Variants in DNAH8 observed in about 807,000 individuals in gnomAD.
DNAH8 encodes dynein axonemal heavy chain 8.
A neutral mutation model predicts 562.1 loss-of-function variants in DNAH8; 382 were observed. That is an observed-to-expected ratio of 0.68 (90% CI 0.63 to 0.74). DNAH8 has a LOEUF of 0.74. Ranked by LOEUF, DNAH8 falls within the 30% of genes least tolerant of loss-of-function variation. The pLI is 0.00. For synonymous variants in DNAH8, 1,881 were observed against 1,919.4 expected (o/e 0.98, Z 0.52); for missense variants, 5,203 against 5,620.4 (o/e 0.93, Z 2.37).
intron 62 of DNAH8, among the ~76,000 whole-genome samples, chr6:38,905,004 C>G (rs554586253): frequency 1.9e-4 from 29 of 152,224 alleles, no homozygotes; most frequent in East Asian, 7.7e-4. Flanking sequence ...GTGACTGTCT[C>G]TATGTATTGC....
chr6:39,008,358 G>C (rs59339583), intron 88 of DNAH8, among the ~76,000 whole-genome samples: 16,560 of 151,840 alleles, frequency 0.11, 1,075 homozygotes, highest in Admixed American at 0.2. Flanking sequence ...AAGCAGAAAA[G>C]ACGAAAATAT....
intron 21 of DNAH8, among the ~76,000 whole-genome samples, chr6:38,794,777 TA>T (rs2127662616): frequency 6.6e-6 from 1 of 152,372 alleles, no homozygotes; most frequent in Non-Finnish European, 1.5e-5. Context: ...TATTACATAA[TA>T]CGGATTTAGT....
chr6:38,987,703 A>G (rs976234905), intron 87 of DNAH8, among the ~76,000 whole-genome samples: 1 of 152,008 alleles, frequency 6.6e-6, no homozygotes, highest in African/African-American at 2.4e-5. Context: ...CAGTGGCTTC[A>G]ATTCTCTGAC....
rs1763357489 is a variant in DNAH8 at position 38,971,593 on chromosome 6, A to T, written c.12453A>T (p.Glu4151Asp). 1 of 1,575,826 alleles carries T rather than the reference A, an allele frequency of 6.3e-7. No individual in the cohort carries two copies. Among genetic ancestry groups the T allele is most frequent in the African/African-American group, 1.4e-5 (1 of 73,592 alleles). The change falls in exon 83 of 93, where the codon GAA (glutamate) becomes GAT (aspartate). Residue 4151 changes from glutamate to aspartate, a missense_variant and splice_region_variant. Around this residue, in one of 6 missense-constraint regions of DNAH8, gnomAD observed 1,399 missense variants for 1,518.4 expected, o/e 0.92. Transcript: ENST00000327475. ...IDALAKKLKL[E>D]CRTISMGQGQ... ...AGTGAACTTTCTCCTATGTTACAGA[A>T]TGTAGAACTATCTCAATGGGGCAAG...
At chr6:38,867,183 C>G (rs1384551284) in intron 47 of DNAH8, among the ~76,000 whole-genome samples, 1 of 151,730 alleles carries the variant, frequency 6.6e-6, no homozygotes, top group Non-Finnish European at 1.5e-5. Context: ...CTGAAGCAGT[C>G]CACAGAGTTT....
At position 38,909,652 on chromosome 6, in the gene DNAH8, T is replaced by C. The variant is rs746712183; in HGVS notation, c.9648T>C (p.Ile3216=). 6.2e-7 allele frequency: 1 copy of C among 1,613,736 alleles called. No individual in the cohort carries two copies. The highest frequency in any genetic ancestry group is 8.5e-7 in the Non-Finnish European group (1 of 1,179,728). Residue 3216 remains isoleucine (I), a synonymous_variant, in exon 65 of 93, where the codon ATT becomes ATC. Transcript: ENST00000327475. ...CCTACTTCCTTTCAGACTATAATAT[T>C]GTCTGCTCTAGTGAAATTAAAAGAC... ...VASYFLSDYN[I]VCSSEIKRQV... is the part of the protein sequence containing the mutation.
Position 38,790,332 on chromosome 6 carries a change from C to T in DNAH8, c.2708C>T (p.Ser903Leu), listed in dbSNP as rs569365870. 185 of 1,607,660 alleles carry T rather than the reference C, an allele frequency of 1.2e-4. 4 individuals are homozygous for T. The South Asian group carries it at 1.7e-3, about 15-fold the overall frequency. The change falls in exon 20 of 93, where the codon TCG becomes TTG. Residue 903 changes from serine (S) to leucine (L), a missense_variant. Transcript: ENST00000327475. ...CAAGGACTCACAGTGTTAACATGGT[C>T]GTCTTTAACACTGGAAAGCTTCTTT... ...LRQGLTVLTW[S>L]SLTLESFFQE...
intron 33 of DNAH8, among the ~76,000 whole-genome samples, chr6:38,838,454 A>C (rs1432351881): frequency 6.6e-6 from 1 of 150,716 alleles, no homozygotes; most frequent in African/African-American, 2.4e-5. Context: ...GCTGGAGTGC[A>C]GTGGCGCAAT....
intron 29 of DNAH8, among the ~76,000 whole-genome samples, chr6:38,827,733 CTTTTTTTTTTTTTTTTTTTTTTTTTT>C (rs562852660): frequency 1.9e-5 from 1 of 52,240 alleles, no homozygotes; most frequent in Non-Finnish European, 3.7e-5. Context: ...CTTTACCAAA[CTTTTTTTTTTTTTTTTTTTTTTTTTT>C]TTTTTTTTTT....
intron 82 of DNAH8, chr6:38,953,048 C>T (rs1449576983): frequency 1.3e-5 from 2 of 152,198 alleles, no homozygotes; most frequent in African/African-American, 4.8e-5. Flanking sequence ...TAACACTTAC[C>T]ATTCTTCTCC....
intron 24 of DNAH8, 80 bp from the exon 25 acceptor site, chr6:38,813,974 G>A (rs572487022): frequency 7.0e-6 from 7 of 1,000,884 alleles, no homozygotes; most frequent in Admixed American, 4.1e-5. Context: ...TTTATTGTTC[G>A]GACTGAATTT....
chr6:38,902,128 G>A (rs1780120414), intron 62 of DNAH8, among the ~76,000 whole-genome samples: 1 of 152,114 alleles, frequency 6.6e-6, no homozygotes, highest in Non-Finnish European at 1.5e-5. Context: ...AATGACGGAG[G>A]CTTAAATTAA....
intron 21 of DNAH8, among the ~76,000 whole-genome samples, chr6:38,800,351 A>C (rs1770676549): frequency 6.6e-6 from 1 of 152,080 alleles, no homozygotes; most frequent in African/African-American, 2.4e-5. Context: ...ATCATTTTTC[A>C]TTCCCACCAG....
intron 79 of DNAH8, among the ~76,000 whole-genome samples, chr6:38,942,024 C>T (rs778011791): frequency 1.3e-5 from 2 of 152,064 alleles, no homozygotes; most frequent in African/African-American, 4.8e-5. Flanking sequence ...CTCACTCCCC[C>T]TCCCACCATG....
Position 38,926,140 on chromosome 6 carries a change from C to T in DNAH8, c.11048C>T (p.Pro3683Leu), listed in dbSNP as rs958798935. 16 of 1,613,626 alleles carry T rather than the reference C, an allele frequency of 9.9e-6. No homozygotes were observed. Among genetic ancestry groups the T allele is most frequent in the Non-Finnish European group, 1.4e-5 (16 of 1,179,798 alleles). The part of the protein sequence containing the change: ...GIIVTKATRY[P>L]LLIDPQTQGK... ...ATTGTGACAAAGGCCACCAGATACCCACTCCTCATAGACCCACAAACTCAA... is the reference window on the plus strand; with the variant it reads ...ATTGTGACAAAGGCCACCAGATACCTACTCCTCATAGACCCACAAACTCAA... Residue 3683 changes from proline to leucine, a missense_variant, in exon 74 of 93, where the codon CCA (proline) becomes CTA (leucine). By Grantham distance (98) the Pro-to-Leu change is moderately conservative. This residue lies in a region of DNAH8 where 1,399 missense variants were observed against 1,518.4 expected (regional missense o/e 0.92). Transcript: ENST00000327475.
At position 38,722,945 on chromosome 6, in the gene DNAH8, G is replaced by A; in HGVS notation, c.136G>A (p.Gly46Ser). 1 of 1,612,634 alleles carries A rather than the reference G, an allele frequency of 6.2e-7. No homozygotes were observed. The highest frequency in any genetic ancestry group is 1.1e-5 in the South Asian group (1 of 91,064). The change falls in exon 2 of 93, where the codon GGT becomes AGT. Residue 46 changes from glycine to serine, a missense_variant. Physicochemically the swap from Gly to Ser is moderately conservative, Grantham distance 56. Around this residue, in one of 6 missense-constraint regions of DNAH8, gnomAD observed 556 missense variants for 496.9 expected, o/e 1.12. Coordinates refer to ENST00000327475, the MANE Select transcript of DNAH8 (RefSeq NM_001206927.2). ...PPTVEAPAED[G>S]FSPSAEDAVS... is the part of the protein sequence containing the mutation. Reference sequence around the variant, plus strand: ...GACAGTGGAGGCCCCGGCAGAAGATGGTTTCTCTCCTTCCGCAGAAGATGC... The same window carrying A: ...GACAGTGGAGGCCCCGGCAGAAGATAGTTTCTCTCCTTCCGCAGAAGATGC...
intron 8 of DNAH8, among the ~76,000 whole-genome samples, chr6:38,748,612 A>C (rs1765154791): frequency 6.6e-6 from 1 of 151,922 alleles, no homozygotes; most frequent in Non-Finnish European, 1.5e-5. Context: ...AGTTAATAAT[A>C]AGATAACAGC....
chr6:38,980,144 A>G (rs1158822394), intron 85 of DNAH8, among the ~76,000 whole-genome samples: 1 of 152,096 alleles, frequency 6.6e-6, no homozygotes, highest in Non-Finnish European at 1.5e-5. Flanking sequence ...TTGACCTCTT[A>G]CAGAGAAAGG....
In DNAH8 at chr6:38,923,030, T is replaced by C. The variant is rs370573620; in HGVS notation, c.10663-28T>C. 8 of 1,597,478 alleles carry C rather than the reference T, an allele frequency of 5.0e-6. No homozygotes were observed. The African/African-American group carries it at 1.1e-4, about 22-fold the overall frequency. On this transcript the variant is annotated intron_variant, in intron 71 of 92. Coordinates refer to ENST00000327475, the MANE Select transcript of DNAH8 (RefSeq NM_001206927.2). ...TGTGTTAAGCACTTAGAAAAGTTTT[T>C]TGAGACATTCTCCCATTATGGCTGC...
Sources: gnomAD v4.1 joint callset for allele counts (sites outside exome capture counted in the v4.1 genomes callset) on GRCh38, gnomAD v4.1.1 for gene constraint, gnomAD v4.1.1 regional missense constraint, MANE v1.5 for transcripts, NCBI Gene and HGNC (gene_info 2026-07-23, HGNC 2026-07-21) for gene names.